Variants in ETFA observed in about 807,000 individuals in gnomAD.
ETFA encodes electron transfer flavoprotein subunit alpha, also known as electron transfer flavoprotein subunit alpha, mitochondrial.
ETFA carries 22 observed loss-of-function variants against 46.2 expected under a neutral mutation model. The ratio of observed to expected loss-of-function variants is 0.48; its 90% confidence interval spans 0.34 to 0.68. ETFA has a LOEUF of 0.68. Among genes scored for constraint, ETFA ranks in the 30% least tolerant of loss-of-function variants. The probability of loss-of-function intolerance (pLI) is 0.01; values close to 1 mark genes in which losing one functional copy is unlikely to be tolerated. For missense variants in ETFA, 345 were observed against 401.1 expected, an observed-to-expected ratio of 0.86 and a Z score of 1.19; for synonymous variants, 131 against 139.9, an observed-to-expected ratio of 0.94 and a Z score of 0.45.
intron 11 of ETFA, among the ~76,000 whole-genome samples, chr15:76,222,361 G>T (rs1293914639): frequency 1.3e-5 from 2 of 150,836 alleles, no homozygotes; most frequent in African/African-American, 4.9e-5. Context: ...TTAAATATTT[G>T]ATTTTTAAAA....
At chr15:76,249,469 T>C (rs1225063556) in intron 9 of ETFA, among the ~76,000 whole-genome samples, 1 of 111,580 alleles carries the variant, frequency 9.0e-6, no homozygotes, top group Admixed American at 1.1e-4. Context: ...TTAGATGGAG[T>C]CTCGTTCTGT....
At chr15:76,220,265 G>C (rs1003931808) in intron 11 of ETFA, among the ~76,000 whole-genome samples, 1 of 152,054 alleles carries the variant, frequency 6.6e-6, no homozygotes, top group Admixed American at 6.6e-5. Flanking sequence ...ATGGGGTTTC[G>C]CCTTGTTGGC....
intron 9 of ETFA, among the ~76,000 whole-genome samples, chr15:76,254,473 C>T (rs898847797): frequency 6.6e-6 from 1 of 152,182 alleles, no homozygotes; most frequent in African/African-American, 2.4e-5. Flanking sequence ...AATCCATAAT[C>T]TCTACAACGT....
chr15:76,233,504 A>G (rs996810450), intron 9 of ETFA, among the ~76,000 whole-genome samples: 3 of 151,556 alleles, frequency 2.0e-5, no homozygotes, highest in African/African-American at 7.3e-5. Flanking sequence ...TAATTTTTGT[A>G]TTTTTAGTAG....
At chr15:76,295,539 T>G in intron 2 of ETFA, 52 bp downstream of exon 2, 3 of 1,501,902 alleles carry the variant, frequency 2.0e-6, no homozygotes, top group Non-Finnish European at 1.9e-6. Flanking sequence ...CATCTTTTCC[T>G]GTCTCTTGAT....
At chr15:76,286,337 A>T (rs376389605) in intron 6 of ETFA, 34 bp downstream of exon 6, 192 of 1,295,432 alleles carry the variant, frequency 1.5e-4, no homozygotes, top group Non-Finnish European at 1.9e-4. Context: ...AAAAAGTAAG[A>T]AACAAAACAA....
intron 9 of ETFA, among the ~76,000 whole-genome samples, chr15:76,270,175 G>C (rs888047673): frequency 6.6e-6 from 1 of 152,204 alleles, no homozygotes; most frequent in African/African-American, 2.4e-5. Context: ...AGACAAAGAT[G>C]CCAGAGTCCA....
At chr15:76,283,872 A>T (rs1256007407) in intron 7 of ETFA, 47 bp from the exon 8 acceptor site, 5 of 1,366,796 alleles carry the variant, frequency 3.7e-6, no homozygotes, top group Non-Finnish European at 5.2e-6. Context: ...CATCAAATAC[A>T]TTCTGGAACA....
At chr15:76,292,320 T>G in intron 4 of ETFA, 111 bp downstream of exon 4, 2 of 818,344 alleles carry the variant, frequency 2.4e-6, no homozygotes. Context: ...ACCACATCAA[T>G]TCAGATAAAT....
chr15:76,271,007 T>C (rs1017451916), intron 9 of ETFA, among the ~76,000 whole-genome samples: 6 of 151,870 alleles, frequency 4.0e-5, no homozygotes, highest in African/African-American at 1.5e-4. Context: ...CAGTCTCCAC[T>C]AAAAATACAA....
chr15:76,239,303 T>C (rs1218459815), intron 9 of ETFA, among the ~76,000 whole-genome samples: 1 of 152,200 alleles, frequency 6.6e-6, no homozygotes, highest in Admixed American at 6.5e-5. Context: ...AAGTATACAA[T>C]GTGATGTTTT....
chr15:76,276,359 T>C (rs1189641735), intron 8 of ETFA, among the ~76,000 whole-genome samples: 1 of 152,084 alleles, frequency 6.6e-6, no homozygotes, highest in Non-Finnish European at 1.5e-5. Context: ...GATTTTTTCC[T>C]CTGGCTTCAG....
At chr15:76,283,289 T>C (rs1187437997) in intron 8 of ETFA, among the ~76,000 whole-genome samples, 1 of 152,114 alleles carries the variant, frequency 6.6e-6, no homozygotes, top group African/African-American at 2.4e-5. Flanking sequence ...CCTCTCAAGC[T>C]CAAGCAATCC....
chr15:76,276,117 C>T (rs754454122), intron 8 of ETFA, among the ~76,000 whole-genome samples: 6 of 151,990 alleles, frequency 3.9e-5, no homozygotes, highest in Non-Finnish European at 7.4e-5. Flanking sequence ...TCTAAAAGAA[C>T]TTTTAACATT....
chr15:76,297,603 A>G (rs1476057160), intron 1 of ETFA, among the ~76,000 whole-genome samples: 1 of 152,094 alleles, frequency 6.6e-6, no homozygotes, highest in Non-Finnish European at 1.5e-5. Flanking sequence ...TTATAGTTCT[A>G]TCATAAGATA....
chr15:76,236,260 G>A (rs546193941), intron 9 of ETFA, among the ~76,000 whole-genome samples: 7 of 152,186 alleles, frequency 4.6e-5, no homozygotes, highest in Admixed American at 2.6e-4. Flanking sequence ...AGAGTTATTC[G>A]ATACATCTAT....
intron 11 of ETFA, chr15:76,217,766 C>T (rs1316904925): frequency 2.9e-6 from 1 of 348,210 alleles, no homozygotes; most frequent in Non-Finnish European, 5.9e-6. Flanking sequence ...GGGCTTTCGG[C>T]TGCCTTAGCT....
At chr15:76,298,067 G>C (rs146303441) in intron 1 of ETFA, among the ~76,000 whole-genome samples, 1,780 of 150,804 alleles carry the variant, frequency 0.012, 42 homozygotes, top group African/African-American at 0.042. Context: ...TTTTGAGAGA[G>C]AGTCTTGCTC....
Position 76,311,372 on chromosome 15 carries a change from G to A in ETFA, c.17C>T (p.Ala6Val). Residue 6 changes from alanine to valine, a missense_variant, in exon 1 of 12, where the codon GCT (alanine) becomes GTT (valine). Ala to Val is a moderately conservative substitution (Grantham distance 64). Coordinates refer to ENST00000557943, the MANE Select transcript of ETFA (RefSeq NM_000126.4). ...CACCGCCCGCCGGAGCTGCCCCGGA[G>A]CCGCCGCTCGGAACATGGTCTCCGC... MFRAA[A>V]PGQLRRAASL... 1 of 1,562,250 alleles carries A rather than the reference G, an allele frequency of 6.4e-7. No homozygotes were observed. The highest frequency in any genetic ancestry group is 1.2e-5 in the South Asian group (1 of 85,028).
Sources: allele counts gnomAD v4.1 joint callset (sites outside exome capture counted in the v4.1 genomes callset), GRCh38; gene constraint gnomAD v4.1.1; transcripts MANE v1.5; gene names NCBI Gene and HGNC (gene_info 2026-07-23, HGNC 2026-07-21).